C11orf65: variants seen among roughly 807,000 people sequenced by gnomAD.
C11orf65 encodes the protein protein MFI.
Under a neutral mutation model 35.3 loss-of-function variants are expected in C11orf65, and 38 were observed. The ratio of observed to expected loss-of-function variants is 1.08; its 90% CI spans 0.83 to 1.41. The LOEUF (loss-of-function observed/expected upper bound fraction) is 1.41, where lower values mean the gene tolerates loss of function less well. C11orf65 is among the 40% of genes most tolerant of loss of function. The pLI, the probability that C11orf65 is intolerant of heterozygous loss-of-function variation, is 0.00. For missense variants in C11orf65, 370 were observed against 367.1 expected (o/e 1.01, Z -0.06); for synonymous variants, 105 against 114.4 (o/e 0.92, Z 0.53).
At chr11:108,322,481 TAA>T (rs2085308645) in intron 6 of C11orf65, among the ~76,000 whole-genome samples, 1 of 152,210 alleles carries the variant, frequency 6.6e-6, no homozygotes, top group Admixed American at 6.5e-5. Flanking sequence ...TGGTGACTGA[TAA>T]TTATGTTTAG....
chr11:108,335,248 G>A (rs2086710652), exon 3 of C11orf65: 18 of 1,539,390 alleles, frequency 1.2e-5, no homozygotes, highest in Non-Finnish European at 1.5e-5. Flanking sequence ...GAGTAGAAAT[G>A]CATTATTTTC....
At chr11:108,395,329 A>AT (rs761424830) in intron 6 of C11orf65, among the ~76,000 whole-genome samples, 1,607 of 140,828 alleles carry the variant, frequency 0.011, 19 homozygotes, top group East Asian at 0.046. Flanking sequence ...TGTCTCTACA[A>AT]TTTTTTTTTT....
chr11:108,406,890 G>C lies in C11orf65; in HGVS notation c.302C>G (p.Pro101Arg). 4 of 1,612,652 alleles carry C rather than the reference G, an allele frequency of 2.5e-6. No homozygotes were observed. The highest frequency in any genetic ancestry group is 3.4e-6 in the Non-Finnish European group (4 of 1,178,998). The part of the protein sequence containing the change: ...RPIEDLCANS[P>R]RNYAKLPAKH... ...TGCTGGAAGTTTTGCATAATTTCTA[G>C]GGCTGTTAGCACAGAGATCTTCAAT... Residue 101 changes from proline to arginine, a missense_variant, in exon 5 of 9, where the codon CCT becomes CGT. Transcript: ENST00000393084.
rs2091892441 is a variant in C11orf65 at position 108,382,775 on chromosome 11, T to C, written c.*246A>G. The stretch of plus-strand genomic sequence containing the variant: ...GCTTCTTGCACCTAAATGTAGTCTC[T>C]TTACTTAAGTGTGACTGTTAGAATA... On this transcript the variant is annotated 3_prime_UTR_variant, in exon 9 of 9. Coordinates refer to ENST00000393084, the MANE Select transcript of C11orf65 (RefSeq NM_152587.5). 1.0e-6 allele frequency: 1 copy of C among 983,974 alleles called. No individual in the cohort carries two copies. Among genetic ancestry groups the C allele is most frequent in the African/African-American group, 1.7e-5 (1 of 57,198 alleles). The allele number at this position is 983,974 out of a possible 1,614,324, so 61.0% of individuals were successfully genotyped here. A position where few individuals can be genotyped will look rare whatever the true frequency, so the allele number is the denominator to read the frequency against.
chr11:108,366,916 G>A (rs1327548371), intron 2 of C11orf65: 6 of 225,122 alleles, frequency 2.7e-5, no homozygotes, highest in Non-Finnish European at 4.4e-5. Context: ...AAAGCCGTGG[G>A]TTAATGAGAC....
intron 2 of C11orf65, chr11:108,368,730 C>T (rs1222514012): frequency 1.9e-5 from 4 of 214,086 alleles, no homozygotes; most frequent in African/African-American, 9.0e-5. Context: ...GAGATAATAG[C>T]TTTCCCACCC....
chr11:108,367,652 T>C (rs2091404431), intron 2 of C11orf65: 1 of 211,900 alleles, frequency 4.7e-6, no homozygotes, highest in South Asian at 1.9e-4. Flanking sequence ...TTTTTTCTTA[T>C]GAAGAGTTGG....
chr11:108,350,631 A>T (rs1185002453), intron 2 of C11orf65, among the ~76,000 whole-genome samples: 1 of 152,226 alleles, frequency 6.6e-6, no homozygotes, highest in Non-Finnish European at 1.5e-5. Context: ...CCATGCCAAC[A>T]TTCAGCGAAT....
chr11:108,330,297 G>A (rs1555123119), downstream of C11orf65: 2 of 1,614,192 alleles, frequency 1.2e-6, no homozygotes, highest in Non-Finnish European at 1.7e-6. Context: ...CGCTTCTTAT[G>A]TAAAGCAGTT....
intron 3 of C11orf65, among the ~76,000 whole-genome samples, chr11:108,417,672 T>C (rs1033635136): frequency 6.6e-5 from 10 of 152,048 alleles, no homozygotes; most frequent in East Asian, 1.9e-4. Flanking sequence ...TAAGAGACAG[T>C]TGGTGTGCGC....
At chr11:108,404,425 C>T (rs950702296) in intron 6 of C11orf65, among the ~76,000 whole-genome samples, 2 of 151,544 alleles carry the variant, frequency 1.3e-5, no homozygotes, top group Admixed American at 6.6e-5. Context: ...GTGTTTGTTT[C>T]GAGATGGAGT....
chr11:108,425,160 C>A (rs2092881844), intron 3 of C11orf65, among the ~76,000 whole-genome samples: 1 of 151,904 alleles, frequency 6.6e-6, no homozygotes, highest in Non-Finnish European at 1.5e-5. Context: ...ACGATCAGAG[C>A]AGAACTGAAG....
intron 6 of C11orf65, among the ~76,000 whole-genome samples, chr11:108,323,742 GT>G (rs754667640): frequency 1.3e-5 from 2 of 152,180 alleles, no homozygotes; most frequent in Non-Finnish European, 2.9e-5. Context: ...TAATCTGGCT[GT>G]TTCTTTGGTA....
intron 2 of C11orf65, among the ~76,000 whole-genome samples, chr11:108,437,111 G>GCA (rs1555172784): frequency 6.3e-5 from 1 of 15,972 alleles, no homozygotes; most frequent in Non-Finnish European, 1.3e-4. Context: ...AAAAAAAAAA[G>GCA]GGGGGGGGTG....
At chr11:108,368,656 T>G (rs2091453739) in intron 2 of C11orf65, 1 of 216,612 alleles carries the variant, frequency 4.6e-6, no homozygotes, top group Non-Finnish European at 9.3e-6. Flanking sequence ...GAAAACCAAA[T>G]AGTGAAGCTA....
chr11:108,431,362 G>A (rs1417161355), intron 3 of C11orf65, among the ~76,000 whole-genome samples: 1 of 152,128 alleles, frequency 6.6e-6, no homozygotes, highest in Non-Finnish European at 1.5e-5. Flanking sequence ...CTACATAAAT[G>A]TATTGTTGGA....
chr11:108,442,023 T>C (rs542544821), intron 2 of C11orf65, among the ~76,000 whole-genome samples: 29 of 152,020 alleles, frequency 1.9e-4, no homozygotes, highest in South Asian at 1.7e-3. Context: ...ATAACAAACT[T>C]CTCCGAGCTA....
At chr11:108,385,507 C>G (rs1482958374) in intron 8 of C11orf65, among the ~76,000 whole-genome samples, 1 of 151,996 alleles carries the variant, frequency 6.6e-6, no homozygotes, top group Non-Finnish European at 1.5e-5. Flanking sequence ...ACAGTGAAAC[C>G]CTGTCTCTAC....
At position 108,362,499 on chromosome 11, in the gene C11orf65, C is replaced by T. The variant is rs1162981048; in HGVS notation, c.227-27207G>A. Among the ~76,000 whole-genome samples the T allele has an allele frequency of 7.2e-4, 108 of 149,172 alleles. 1 individual carries two copies. The highest frequency in any genetic ancestry group is 2.5e-3 in the African/African-American group (102 of 40,922). On this transcript the variant is annotated intron_variant, in intron 2 of 3. Transcript: ENST00000524755. ...ATGCTGCTATAAAGACACATGCACA[C>T]GTATGTTTATTGCGGCATTATTCAC...
Sources: gnomAD v4.1 joint callset for allele counts (sites outside exome capture counted in the v4.1 genomes callset) on GRCh38, gnomAD v4.1.1 for gene constraint, MANE v1.5 for transcripts, NCBI Gene and HGNC (gene_info 2026-07-23, HGNC 2026-07-21) for gene names.